Variants in PAFAH1B2 observed in about 807,000 individuals in gnomAD.
PAFAH1B2 encodes the protein platelet activating factor acetylhydrolase 1b catalytic subunit 2, also known as platelet-activating factor acetylhydrolase IB subunit alpha2.
In PAFAH1B2, 8 loss-of-function variants were observed where a neutral mutation model predicts 28.0. That is an observed-to-expected ratio of 0.29 (90% confidence interval 0.17 to 0.52). The LOEUF is 0.52. PAFAH1B2 is among the 20% of genes least tolerant of loss of function. The probability of loss-of-function intolerance (pLI) is 0.97; values close to 1 mark genes in which losing one functional copy is unlikely to be tolerated. For missense variants in PAFAH1B2, 190 were observed against 282.6 expected (o/e 0.67, Z 2.35); for synonymous variants, 104 against 103.2 (o/e 1.01, Z -0.05).
At chr11:117,147,433 A>G (rs778657815) in intron 1 of PAFAH1B2, among the ~76,000 whole-genome samples, 18 of 152,154 alleles carry the variant, frequency 1.2e-4, no homozygotes, top group Non-Finnish European at 2.5e-4. Context: ...CCTGGGCTCA[A>G]GCAGTCCACC....
At position 117,168,171 on chromosome 11, in the gene PAFAH1B2, G is replaced by A. The variant is rs1956555342; in HGVS notation, c.*472G>A. ...GTTTTTATGTTGCTTAGATTCTTAT[G>A]TATACTGAATATTTTATTAACATGT... On this transcript the variant is annotated 3_prime_UTR_variant, in exon 6 of 6. Coordinates refer to ENST00000527958, the MANE Select transcript of PAFAH1B2 (RefSeq NM_002572.4). 2 of 1,047,384 alleles carry A rather than the reference G, an allele frequency of 1.9e-6. No homozygotes were observed. The highest frequency in any genetic ancestry group is 3.3e-5 in the African/African-American group (2 of 60,356). The allele number at this position is 1,047,384 out of a possible 1,614,324, so 64.9% of individuals were successfully genotyped here.
chr11:117,160,700 A>C (rs1015096720), intron 3 of PAFAH1B2, among the ~76,000 whole-genome samples: 2 of 151,704 alleles, frequency 1.3e-5, no homozygotes, highest in Non-Finnish European at 2.9e-5. Context: ...CAAATGATCC[A>C]CGTGCCTTGG....
intron 3 of PAFAH1B2, 152 bp from the exon 4 acceptor site, chr11:117,160,993 G>A: frequency 1.7e-6 from 1 of 580,526 alleles, no homozygotes; most frequent in Non-Finnish European, 3.0e-6. Flanking sequence ...GTTACACAAT[G>A]GTATCTTAAA....
At chr11:117,147,483 A>G (rs772886080) in intron 1 of PAFAH1B2, among the ~76,000 whole-genome samples, 4 of 152,060 alleles carry the variant, frequency 2.6e-5, no homozygotes, top group Non-Finnish European at 4.4e-5. Context: ...CAGGCATGAG[A>G]CACTGTACCC....
At chr11:117,157,850 T>C (rs1440817229) in intron 2 of PAFAH1B2, among the ~76,000 whole-genome samples, 1 of 152,116 alleles carries the variant, frequency 6.6e-6, no homozygotes, top group African/African-American at 2.4e-5. Context: ...TATAAAAGTT[T>C]AAACTGGTCT....
intron 5 of PAFAH1B2, 139 bp from the exon 6 acceptor site, chr11:117,167,282 A>G (rs776108541): frequency 6.0e-5 from 53 of 876,626 alleles, no homozygotes; most frequent in Non-Finnish European, 8.3e-5. Context: ...TTCATTCAAA[A>G]CAGTATTTTC....
At chr11:117,152,413 G>T in intron 1 of PAFAH1B2, 28 bp from the exon 2 acceptor site, 1 of 1,404,738 alleles carries the variant, frequency 7.1e-7, no homozygotes, top group African/African-American at 1.4e-5. Flanking sequence ...GTTAACAAAT[G>T]AAACATGACA....
intron 1 of PAFAH1B2, among the ~76,000 whole-genome samples, chr11:117,145,383 G>C (rs1455533727): frequency 6.6e-6 from 1 of 152,196 alleles, no homozygotes; most frequent in Non-Finnish European, 1.5e-5. Context: ...AGAAAGGAAA[G>C]ACCACCCGGA....
At chr11:117,159,150 C>T (rs1189745459) in intron 2 of PAFAH1B2, among the ~76,000 whole-genome samples, 1 of 152,140 alleles carries the variant, frequency 6.6e-6, no homozygotes, top group Admixed American at 6.5e-5. Flanking sequence ...TTCTGTGTAT[C>T]TACAATTTTC....
chr11:117,167,807 C>T lies in PAFAH1B2; in HGVS notation c.*108C>T. 3.0e-6 allele frequency: 4 copies of T among 1,315,308 alleles called. No homozygotes were observed. The highest frequency in any genetic ancestry group is 3.9e-6 in the Non-Finnish European group (4 of 1,024,558). 81.5% of individuals were successfully genotyped at this position (1,315,308 alleles called of 1,614,324 possible). A position where few individuals can be genotyped will look rare whatever the true frequency, so the allele number is the denominator to read the frequency against. ...AGGCACTTTGCATTGTAGAATGTTC[C>T]TGGATGTTCATATCTAGTGTTTGAA... On this transcript the variant is annotated 3_prime_UTR_variant, in exon 6 of 6. Coordinates refer to ENST00000527958, the MANE Select transcript of PAFAH1B2 (RefSeq NM_002572.4).
chr11:117,152,969 G>A (rs775779787), intron 2 of PAFAH1B2, among the ~76,000 whole-genome samples: 17 of 152,114 alleles, frequency 1.1e-4, no homozygotes, highest in Non-Finnish European at 2.2e-4. Flanking sequence ...AGGAGGCTGA[G>A]GCAGGAGAAT....
chr11:117,168,445 CG>C lies in PAFAH1B2; in HGVS notation c.*747del. The C allele has an allele frequency of 8.5e-6, 3 of 353,508 alleles. No individual in the cohort carries two copies. Among genetic ancestry groups the C allele is most frequent in the Non-Finnish European group, 1.0e-5 (3 of 293,038 alleles). 21.9% of individuals were successfully genotyped at this position (353,508 alleles called of 1,614,324 possible). On this transcript the variant is annotated 3_prime_UTR_variant, in exon 6 of 6. Coordinates refer to ENST00000527958, the MANE Select transcript of PAFAH1B2 (RefSeq NM_002572.4). ...TTCCCCTTCATTCCCCCCGCCACCCCGTTTTTTTTTTTTTTTTTTTTTTTTT... is the reference window on the plus strand; with the variant it reads ...TTCCCCTTCATTCCCCCCGCCACCCCTTTTTTTTTTTTTTTTTTTTTTTTT...
At chr11:117,144,842 C>A (rs1489155452) in intron 1 of PAFAH1B2, among the ~76,000 whole-genome samples, 3 of 152,088 alleles carry the variant, frequency 2.0e-5, no homozygotes, top group Admixed American at 1.3e-4. Context: ...GCCCGGGTCT[C>A]CGCTGCTGCC....
In PAFAH1B2 at chr11:117,157,392, T is replaced by G. The variant is rs189202694; in HGVS notation, c.82-2542T>G. 8.3e-4 allele frequency among the ~76,000 whole-genome samples: 127 copies of G among 152,178 alleles called. No homozygotes were observed. In the Middle Eastern group the frequency reaches 0.017, roughly 20 times the overall value. ...CCTGAGCTCATGTGATCTGCTCACT[T>G]TGGCTTCACAGAGGCCTAGGATTAC... On this transcript the variant is annotated intron_variant, in intron 2 of 5. Transcript: ENST00000527958.
At position 117,170,906 on chromosome 11, in the gene PAFAH1B2, C is replaced by T; in HGVS notation, c.*3207C>T. The T allele has an allele frequency of 9.4e-7, 1 of 1,059,940 alleles. No homozygotes were observed. Among genetic ancestry groups the T allele is most frequent in the Non-Finnish European group, 1.1e-6 (1 of 875,888 alleles). The allele number at this position is 1,059,940 out of a possible 1,614,324, so 65.7% of individuals were successfully genotyped here. A position where few individuals can be genotyped will look rare whatever the true frequency, so the allele number is the denominator to read the frequency against. ...GGGTCCCCCAGGTTTCTTGGTGTTC[C>T]TGCTTGGGGATCACTGCTGCTAGCT... On this transcript the variant is annotated 3_prime_UTR_variant, in exon 6 of 6. Transcript: ENST00000527958.
chr11:117,173,637 T>G (rs1423929606), downstream of PAFAH1B2, among the ~76,000 whole-genome samples: 1 of 152,222 alleles, frequency 6.6e-6, no homozygotes, highest in South Asian at 2.1e-4. Flanking sequence ...ACTGTAGAAC[T>G]TTTTGACATC....
intron 2 of PAFAH1B2, among the ~76,000 whole-genome samples, chr11:117,157,769 AAG>A (rs1283586772): frequency 3.3e-5 from 5 of 152,166 alleles, no homozygotes; most frequent in Admixed American, 3.3e-4. Flanking sequence ...TTGGGAAAAA[AAG>A]AGAGTAGGCC....
rs973959525 is a variant in PAFAH1B2 at position 117,169,523 on chromosome 11, T to A, written c.*1824T>A. 24 of 1,055,180 alleles carry A rather than the reference T, an allele frequency of 2.3e-5. No homozygotes were observed. Among genetic ancestry groups the A allele is most frequent in the Non-Finnish European group, 2.7e-5 (24 of 873,004 alleles). 65.4% of individuals were successfully genotyped at this position (1,055,180 alleles called of 1,614,324 possible). On this transcript the variant is annotated 3_prime_UTR_variant, in exon 6 of 6. Coordinates refer to ENST00000527958, the MANE Select transcript of PAFAH1B2 (RefSeq NM_002572.4). ...CTTACTGATGCGTGCTAAGACCGAT[T>A]TCTGATTGAGGGATGAACCTTGGGC...
intron 2 of PAFAH1B2, among the ~76,000 whole-genome samples, chr11:117,154,119 G>A (rs1345949345): frequency 8.6e-5 from 13 of 150,796 alleles, no homozygotes; most frequent in Non-Finnish European, 1.3e-4. Flanking sequence ...ATCTCAAAAA[G>A]AAAAAAAAGA....
Sources: allele counts gnomAD v4.1 joint callset (sites outside exome capture counted in the v4.1 genomes callset), GRCh38; gene constraint gnomAD v4.1.1; transcripts MANE v1.5; gene names NCBI Gene and HGNC (gene_info 2026-07-23, HGNC 2026-07-21).